The following PRKD2 variants were observed in gnomAD, a reference collection of about 807,000 sequenced individuals.
The protein encoded by PRKD2 is protein kinase D2, also known as serine/threonine-protein kinase D2.
A neutral mutation model predicts 86.0 loss-of-function variants in PRKD2; 22 were observed. The observed-to-expected ratio is 0.26, with a 90% CI of 0.18 to 0.37. The LOEUF is 0.37. Ranked by LOEUF, PRKD2 falls within the 10% of genes least tolerant of loss-of-function variation. PRKD2 has a pLI of 1.00. For missense variants in PRKD2, 818 were observed against 1,199.2 expected (o/e 0.68, Z 4.70); for synonymous variants, 509 against 510.9 (o/e 1.00, Z 0.05).
intron 15 of PRKD2, among the ~76,000 whole-genome samples, chr19:46,680,946 A>ATATACATATATATATATTT: frequency 2.7e-4 from 13 of 48,228 alleles, no homozygotes; most frequent in South Asian, 1.1e-3. Context: ...ATATATATAT[A>ATATACATATATATATATTT]TTTTTTTTTT....
chr19:46,684,561 G>A (rs767780148), intron 14 of PRKD2, among the ~76,000 whole-genome samples: 17 of 152,214 alleles, frequency 1.1e-4, no homozygotes, highest in East Asian at 1.9e-4. Context: ...GACCTCAGGT[G>A]ATCCATCTGC....
At chr19:46,690,202 A>G (rs2122651590) in intron 13 of PRKD2, among the ~76,000 whole-genome samples, 1 of 151,898 alleles carries the variant, frequency 6.6e-6, no homozygotes, top group East Asian at 1.9e-4. Context: ...CCTCTCTCCC[A>G]CCCAGATCCC....
chr19:46,680,478 G>A (rs553427736), intron 15 of PRKD2, among the ~76,000 whole-genome samples: 1 of 151,910 alleles, frequency 6.6e-6, no homozygotes, highest in East Asian at 1.9e-4. Context: ...TAGTAGAGAC[G>A]GGGTTTCGCC....
intron 15 of PRKD2, among the ~76,000 whole-genome samples, chr19:46,680,236 C>A (rs2053276879): frequency 6.6e-6 from 1 of 152,050 alleles, no homozygotes; most frequent in African/African-American, 2.4e-5. Flanking sequence ...TCTTATAGCT[C>A]TTTCTCTTTT....
At chr19:46,701,440 G>GT (rs1252496443) in intron 5 of PRKD2, among the ~76,000 whole-genome samples, 1 of 151,594 alleles carries the variant, frequency 6.6e-6, no homozygotes, top group Non-Finnish European at 1.5e-5. Context: ...GCCCTACATG[G>GT]TAAAACCTCG....
intron 16 of PRKD2, among the ~76,000 whole-genome samples, chr19:46,677,800 C>A (rs924922365): frequency 6.6e-6 from 1 of 152,156 alleles, no homozygotes; most frequent in Non-Finnish European, 1.5e-5. Context: ...AGGGTCAGCC[C>A]TGTTCCTGGA....
chr19:46,714,968 A>G (rs1192092883), intron 1 of PRKD2, among the ~76,000 whole-genome samples: 2 of 152,180 alleles, frequency 1.3e-5, no homozygotes, highest in African/African-American at 4.8e-5. Context: ...CCTTGTCTGT[A>G]GAATGGGGGA....
Position 46,697,970 on chromosome 19 carries a change from G to A in PRKD2, c.1122-120C>T, listed in dbSNP as rs1232607550. ...GGGACTGTTTTTGTTTGTTTGGTTT[G>A]TTTTGACATTTTCCCCCCAACACAC... On this transcript the variant is annotated intron_variant, in intron 7 of 17. Transcript: ENST00000291281. 3.7e-6 allele frequency: 3 copies of A among 808,810 alleles called. No homozygotes were observed. In the Admixed American group the frequency reaches 6.4e-5, roughly 17 times the overall value. 50.1% of individuals were successfully genotyped at this position (808,810 alleles called of 1,614,324 possible).
intron 7 of PRKD2, 100 bp downstream of exon 7, chr19:46,700,699 A>G (rs1257906410): frequency 1.4e-6 from 2 of 1,426,502 alleles, no homozygotes; most frequent in Admixed American, 4.9e-5. Flanking sequence ...GAAAATTTAT[A>G]AATATGAGGT....
intron 16 of PRKD2, among the ~76,000 whole-genome samples, chr19:46,677,982 C>T (rs2053235968): frequency 6.6e-6 from 1 of 152,160 alleles, no homozygotes; most frequent in Admixed American, 6.6e-5. Flanking sequence ...GCAAGGCTGA[C>T]CCTTTTGGGG....
At chr19:46,715,943 G>A (rs2053875496) in intron 1 of PRKD2, among the ~76,000 whole-genome samples, 188 bp downstream of exon 1, 1 of 152,204 alleles carries the variant, frequency 6.6e-6, no homozygotes, top group African/African-American at 2.4e-5. Context: ...CCCCACCCCT[G>A]CCCAGTCCTC....
intron 15 of PRKD2, among the ~76,000 whole-genome samples, chr19:46,680,946 A>ATATATATATT: frequency 4.1e-5 from 2 of 48,258 alleles, no homozygotes; most frequent in Non-Finnish European, 8.1e-5. Context: ...ATATATATAT[A>ATATATATATT]TTTTTTTTTT....
In PRKD2 at chr19:46,713,970, T is replaced by C; in HGVS notation, c.272A>G (p.Asp91Gly). 1 of 1,613,562 alleles carries C rather than the reference T, an allele frequency of 6.2e-7. No individual in the cohort carries two copies. The highest frequency in any genetic ancestry group is 8.5e-7 in the Non-Finnish European group (1 of 1,179,870). The change falls in exon 2 of 18, where the codon GAC (aspartate) becomes GGC (glycine). Residue 91 changes from aspartate to glycine, a missense_variant. By Grantham distance (94) the Asp-to-Gly change is moderately conservative. Transcript: ENST00000291281. ...GTCATGTTTGAAAAGCAGGATCTTG[T>C]CGTAAAGGCCGTAGAAGCCACACTC... ...FPECGFYGLY[D>G]KILLFKHDPT...
chr19:46,678,314 C>T lies in PRKD2; in HGVS notation c.2338+82G>A. 2.0e-6 allele frequency: 3 copies of T among 1,536,956 alleles called. No homozygotes were observed. Among genetic ancestry groups the T allele is most frequent in the Admixed American group, 3.9e-5 (2 of 51,540 alleles). On this transcript the variant is annotated intron_variant, in intron 16 of 17. Transcript: ENST00000291281. The surrounding 1 kb of genome is among the most constrained non-coding windows in gnomAD (Gnocchi z 5.7). ...CAAGGTGCCAGGCTGTTTCCGGGTC[C>T]ACCCCCCTCTCATGGCTCCGCCCAC...
intron 14 of PRKD2, among the ~76,000 whole-genome samples, chr19:46,688,222 C>T (rs1323500985): frequency 1.3e-5 from 2 of 151,484 alleles, no homozygotes; most frequent in Non-Finnish European, 2.9e-5. Context: ...CAGGCTGGCT[C>T]AAACTCCTGG....
At chr19:46,708,335 T>C (rs12975247) in intron 3 of PRKD2, among the ~76,000 whole-genome samples, 47,364 of 105,390 alleles carry the variant, frequency 0.45, 9,497 homozygotes, top group Middle Eastern at 0.55. Context: ...TTTTTTTTTT[T>C]CTGAGACAAT....
rs1352543595 is a variant in PRKD2 at position 46,693,390 on chromosome 19, C to G, written c.1576+485G>C. Among the ~76,000 whole-genome samples the G allele has an allele frequency of 2.0e-5, 3 of 152,208 alleles. No individual in the cohort carries two copies. Among genetic ancestry groups the G allele is most frequent in the Non-Finnish European group, 4.4e-5 (3 of 68,044 alleles). On this transcript the variant is annotated intron_variant, in intron 10 of 17. Transcript: ENST00000291281. This position sits in a 1 kb window ranked among gnomAD's most constrained non-coding sequence, Gnocchi z 4.5. ...GCTCATGGAGGGGAAGTGATATGCC[C>G]AGGGCCACATATCAGGCCAGGAGCT... is the stretch of plus-strand genomic sequence containing the variant.
rs1291720346 is a variant in PRKD2 at position 46,716,608 on chromosome 19, G to C, written c.-238C>G. The C allele has an allele frequency of 2.3e-5, 9 of 390,038 alleles. No individual in the cohort carries two copies. Among genetic ancestry groups the C allele is most frequent in the Non-Finnish European group, 4.1e-5 (9 of 219,726 alleles). 24.2% of individuals were successfully genotyped at this position (390,038 alleles called of 1,614,324 possible). ...AGGGCTCCCAGAAGATCAGAAAGGA[G>C]AAAAGTAGTGGGTTGGAGGTCCCAG... On this transcript the variant is annotated 5_prime_UTR_variant, in exon 1 of 18. Transcript: ENST00000291281. The surrounding 1 kb of genome is among the most constrained non-coding windows in gnomAD (Gnocchi z 7.9).
chr19:46,692,989 T>C (rs1421721649), intron 10 of PRKD2, among the ~76,000 whole-genome samples: 1 of 152,108 alleles, frequency 6.6e-6, no homozygotes, highest in Non-Finnish European at 1.5e-5. Flanking sequence ...GATTATAAGC[T>C]CCAGAGGGTG....
Sources: allele counts gnomAD v4.1 joint callset (sites outside exome capture counted in the v4.1 genomes callset), GRCh38; gene constraint gnomAD v4.1.1; non-coding constraint Gnocchi (gnomAD v3.1); transcripts MANE v1.5; gene names NCBI Gene and HGNC (gene_info 2026-07-23, HGNC 2026-07-21).